The following CLVS1 variants were observed in gnomAD, a reference collection of about 807,000 sequenced individuals.
CLVS1 encodes clavesin 1, also known as clavesin-1.
CLVS1 carries 10 observed loss-of-function variants against 33.1 expected under a neutral mutation model. The observed-to-expected ratio is 0.30, with a 90% confidence interval of 0.19 to 0.51. The LOEUF (loss-of-function observed/expected upper bound fraction) is 0.51. CLVS1 is among the 20% of genes least tolerant of loss of function. The pLI is 0.97. For synonymous variants in CLVS1, 163 were observed against 166.1 expected, an observed-to-expected ratio of 0.98 and a Z score of 0.14; for missense variants, 343 against 433.4, an observed-to-expected ratio of 0.79 and a Z score of 1.85.
At chr8:61,187,086 T>C (rs564352434) in intron 2 of CLVS1, among the ~76,000 whole-genome samples, 26 of 152,214 alleles carry the variant, frequency 1.7e-4, no homozygotes, top group African/African-American at 6.3e-4. Flanking sequence ...CTGAGGGAAA[T>C]TATACAGCGA....
At chr8:61,438,898 C>T (rs1816441383) in intron 3 of CLVS1, among the ~76,000 whole-genome samples, 1 of 152,160 alleles carries the variant, frequency 6.6e-6, no homozygotes, top group Admixed American at 6.5e-5. Flanking sequence ...CTGATGCATA[C>T]TAAGTGACCA....
chr8:61,186,848 G>A (rs1333981556), intron 2 of CLVS1, among the ~76,000 whole-genome samples: 1 of 152,194 alleles, frequency 6.6e-6, no homozygotes, highest in Non-Finnish European at 1.5e-5. Context: ...GACATGTGAG[G>A]AAGGATTTTG....
chr8:61,072,984 C>G (rs1006029836), intron 1 of CLVS1, among the ~76,000 whole-genome samples: 1 of 152,080 alleles, frequency 6.6e-6, no homozygotes, highest in African/African-American at 2.4e-5. Context: ...TATTATATTA[C>G]CAGTAGTTTT....
At chr8:61,090,052 C>T (rs1585602271) in intron 1 of CLVS1, among the ~76,000 whole-genome samples, 1 of 152,220 alleles carries the variant, frequency 6.6e-6, no homozygotes, top group Non-Finnish European at 1.5e-5. Context: ...GAGCAGCCCC[C>T]TCCTTTCTTT....
the CLVS1 span, among the ~76,000 whole-genome samples, chr8:61,007,892 C>T: frequency 6.6e-6 from 1 of 152,198 alleles, no homozygotes; most frequent in East Asian, 1.9e-4. Context: ...AGGAAAATCA[C>T]TTTGCTCTCA....
At chr8:61,138,994 T>C (rs891227416) in intron 2 of CLVS1, among the ~76,000 whole-genome samples, 8 of 152,272 alleles carry the variant, frequency 5.3e-5, no homozygotes, top group Non-Finnish European at 1.2e-4. Context: ...CTCCTTGCTC[T>C]TGTTGCACTG....
chr8:61,427,497 A>G (rs574002158), intron 3 of CLVS1, among the ~76,000 whole-genome samples: 177 of 152,348 alleles, frequency 1.2e-3, no homozygotes, highest in African/African-American at 3.8e-3. Context: ...TTGTATAGGG[A>G]AAGATGATCA....
chr8:61,144,210 C>T (rs367894668), intron 2 of CLVS1, among the ~76,000 whole-genome samples: 1 of 152,060 alleles, frequency 6.6e-6, no homozygotes, highest in African/African-American at 2.4e-5. Context: ...AGACCTCCAG[C>T]CCCCAACAGG....
chr8:61,273,323 C>G (rs1448587060), intron 2 of CLVS1, among the ~76,000 whole-genome samples: 1 of 152,172 alleles, frequency 6.6e-6, no homozygotes, highest in Non-Finnish European at 1.5e-5. Flanking sequence ...GTTCAGGGAC[C>G]CACTTGAGGA....
At chr8:61,429,902 T>C (rs1816048093) in intron 3 of CLVS1, among the ~76,000 whole-genome samples, 1 of 152,202 alleles carries the variant, frequency 6.6e-6, no homozygotes, top group Non-Finnish European at 1.5e-5. Flanking sequence ...TAGTAATAAT[T>C]TTCTCTCTTT....
chr8:61,347,938 A>G lies in CLVS1; in HGVS notation c.456-28667A>G, dbSNP rs182600066. Among the ~76,000 whole-genome samples the G allele has an allele frequency of 7.3e-4, 111 of 151,512 alleles. 1 individual carries two copies. In the Middle Eastern group the frequency reaches 0.02, roughly 28 times the overall value. ...TTCTCCATATTCTTTCCATTAACATATGCATTGCCTCACCTACTTGTCTTT... is the reference window on the plus strand; with the variant it reads ...TTCTCCATATTCTTTCCATTAACATGTGCATTGCCTCACCTACTTGTCTTT... On this transcript the variant is annotated intron_variant, in intron 2 of 5. Transcript: ENST00000325897.
At chr8:61,361,240 A>C (rs909709816) in intron 2 of CLVS1, among the ~76,000 whole-genome samples, 1 of 152,192 alleles carries the variant, frequency 6.6e-6, no homozygotes, top group African/African-American at 2.4e-5. Flanking sequence ...TCAACATGAG[A>C]TTTGGTGGGG....
At chr8:61,411,324 GT>G (rs1733255157) in intron 3 of CLVS1, among the ~76,000 whole-genome samples, 1 of 152,180 alleles carries the variant, frequency 6.6e-6, no homozygotes, top group African/African-American at 2.4e-5. Context: ...CCCTGGCCCT[GT>G]GCTGTGAAGT....
At chr8:61,338,964 C>CTGTGTGTGTGTGTGTGTGTG (rs10608173) in intron 2 of CLVS1, among the ~76,000 whole-genome samples, 6 of 148,520 alleles carry the variant, frequency 4.0e-5, no homozygotes, top group African/African-American at 1.5e-4. Context: ...AAAGGGAACA[C>CTGTGTGTGTGTGTGTGTGTG]TGTGTGTGTG....
intron 2 of CLVS1, among the ~76,000 whole-genome samples, chr8:61,312,222 A>G (rs1810854702): frequency 6.6e-6 from 1 of 152,080 alleles, no homozygotes; most frequent in Non-Finnish European, 1.5e-5. Context: ...CACCTCTATA[A>G]CCACCTGCCA....
the CLVS1 span, among the ~76,000 whole-genome samples, chr8:60,977,803 C>T: frequency 6.6e-6 from 1 of 152,076 alleles, no homozygotes. Flanking sequence ...TACATAAATC[C>T]AAGAAGTTCA....
intron 2 of CLVS1, among the ~76,000 whole-genome samples, chr8:61,341,598 A>G (rs181372031): frequency 5.7e-4 from 87 of 152,306 alleles, no homozygotes; most frequent in African/African-American, 2.0e-3. Flanking sequence ...CTTCCTGGGA[A>G]TGCACACCTC....
chr8:61,227,956 C>G (rs779008685), intron 2 of CLVS1, among the ~76,000 whole-genome samples: 6 of 152,066 alleles, frequency 3.9e-5, no homozygotes, highest in Non-Finnish European at 7.4e-5. Flanking sequence ...GAAGTGTTTC[C>G]TGTTTGAAAA....
chr8:61,499,259 T>C (rs1804445646), intron 5 of CLVS1, among the ~76,000 whole-genome samples, 196 bp from the exon 6 acceptor site: 1 of 152,168 alleles, frequency 6.6e-6, no homozygotes, highest in African/African-American at 2.4e-5. Flanking sequence ...CACTGCAGCC[T>C]CAAACTCCTG....
Sources: gnomAD v4.1 joint callset for allele counts (sites outside exome capture counted in the v4.1 genomes callset) on GRCh38, gnomAD v4.1.1 for gene constraint, MANE v1.5 for transcripts, NCBI Gene and HGNC (gene_info 2026-07-23, HGNC 2026-07-21) for gene names.